IFIH1: variants seen among roughly 807,000 people sequenced by gnomAD.
The protein encoded by IFIH1 is interferon-induced helicase C domain-containing protein 1.
In IFIH1, 125 loss-of-function variants were observed where a neutral mutation model predicts 107.4. The observed-to-expected ratio is 1.16, with a 90% CI of 1.01 to 1.35. IFIH1 has a LOEUF of 1.35. Among genes scored for constraint, IFIH1 ranks in the 40% most tolerant of loss-of-function variants. The pLI is 0.00. For missense variants in IFIH1, 1,333 were observed against 1,213.7 expected (o/e 1.10, Z -1.46); for synonymous variants, 458 against 413.2 (o/e 1.11, Z -1.31).
intron 13 of IFIH1, among the ~76,000 whole-genome samples, chr2:162,269,596 G>A (rs1690994451): frequency 6.6e-6 from 1 of 152,180 alleles, no homozygotes; most frequent in Non-Finnish European, 1.5e-5. Context: ...CTTCACGGTA[G>A]AAAAATCTGG....
chr2:162,299,999 C>T (rs957827669), intron 3 of IFIH1, among the ~76,000 whole-genome samples: 2 of 152,160 alleles, frequency 1.3e-5, no homozygotes, highest in African/African-American at 4.8e-5. Flanking sequence ...TGATATTCCT[C>T]ATCTGGTAAG....
chr2:162,307,812 A>T (rs749221209), intron 2 of IFIH1, among the ~76,000 whole-genome samples: 32 of 152,248 alleles, frequency 2.1e-4, no homozygotes, highest in Non-Finnish European at 4.0e-4. Flanking sequence ...TAAGTACATT[A>T]GGGACTATTA....
intron 6 of IFIH1, 87 bp from the exon 7 acceptor site, chr2:162,281,632 G>A: frequency 1.1e-6 from 1 of 939,588 alleles, no homozygotes. Context: ...GAGCTGCCTT[G>A]GGGATGCCTT....
At chr2:162,316,417 T>C (rs1212892015) in intron 1 of IFIH1, among the ~76,000 whole-genome samples, 1 of 152,188 alleles carries the variant, frequency 6.6e-6, no homozygotes, top group African/African-American at 2.4e-5. Flanking sequence ...TGGTTCTCAA[T>C]ACACAAAACG....
At chr2:162,286,643 T>G (rs1335183660) in intron 5 of IFIH1, among the ~76,000 whole-genome samples, 1 of 151,908 alleles carries the variant, frequency 6.6e-6, no homozygotes, top group Non-Finnish European at 1.5e-5. Flanking sequence ...GGAGGGTAGA[T>G]GGTGAGGCTG....
At position 162,317,494 on chromosome 2, in the gene IFIH1, TCTG is replaced by T. The variant is rs1235623691; in HGVS notation, c.453+358_453+360del. 8.5e-5 allele frequency among the ~76,000 whole-genome samples: 13 copies of T among 152,332 alleles called. No homozygotes were observed. In the East Asian group the frequency reaches 2.5e-3, roughly 29 times the overall value. On this transcript the variant is annotated intron_variant, in intron 1 of 15. Coordinates refer to ENST00000649979, the MANE Select transcript of IFIH1 (RefSeq NM_022168.4). ...TATTTAACCTGCCTCAGGTTTCTCA[TCTG>T]TAAAATGGAGTTAATAACATTAGGA... is the stretch of plus-strand genomic sequence containing the variant.
At chr2:162,287,778 T>C (rs1011865634) in intron 5 of IFIH1, among the ~76,000 whole-genome samples, 6 of 151,954 alleles carry the variant, frequency 3.9e-5, no homozygotes, top group Non-Finnish European at 1.5e-5. Flanking sequence ...CATATTCATT[T>C]GCAATGATAA....
chr2:162,303,446 A>G (rs564130285), intron 3 of IFIH1, among the ~76,000 whole-genome samples: 10 of 152,038 alleles, frequency 6.6e-5, no homozygotes, highest in Non-Finnish European at 1.0e-4. Context: ...ATCTCTTACC[A>G]TCACAATCTC....
At chr2:162,273,254 T>A (rs940880726) in intron 12 of IFIH1, among the ~76,000 whole-genome samples, 49 of 152,310 alleles carry the variant, frequency 3.2e-4, no homozygotes, top group Middle Eastern at 3.4e-3. Flanking sequence ...TAAAGTGAAA[T>A]CTGAATGAAA....
chr2:162,279,919 A>G, intron 8 of IFIH1, 77 bp downstream of exon 8: 2 of 810,938 alleles, frequency 2.5e-6, no homozygotes, highest in Non-Finnish European at 4.2e-6. Flanking sequence ...TCAGATGGTC[A>G]GTATAAAATA....
At chr2:162,305,432 T>C (rs1202275897) in intron 3 of IFIH1, among the ~76,000 whole-genome samples, 1 of 151,898 alleles carries the variant, frequency 6.6e-6, no homozygotes, top group Non-Finnish European at 1.5e-5. Context: ...TAGCCGGGCA[T>C]GGTGGTGGGT....
intron 11 of IFIH1, 91 bp from the exon 12 acceptor site, chr2:162,274,035 C>T: frequency 1.2e-6 from 1 of 839,580 alleles, no homozygotes; most frequent in Non-Finnish European, 1.8e-6. Flanking sequence ...TGCAACTGGT[C>T]AGTGTAAATC....
At position 162,273,941 on chromosome 2, in the gene IFIH1, C is replaced by A; in HGVS notation, c.2308G>T (p.Glu770Ter). The A allele has an allele frequency of 6.3e-7, 1 of 1,585,574 alleles. No individual in the cohort carries two copies. The highest frequency in any genetic ancestry group is 1.1e-5 in the South Asian group (1 of 88,894). Residue 770 changes from glutamate to a stop codon, truncating the protein, a stop_gained, in exon 12 of 16, where the codon GAA becomes TAA. Transcript: ENST00000649979. LOFTEE classifies it high-confidence loss of function. ...AATTTACTAATGACTTCTTTTTGTT[C>A]ATTCTGTAGAAACATTTTAATAAAT... is the stretch of plus-strand genomic sequence containing the variant. ...SSEFKPMTQNEQKEVISKFRT... is the reference protein window; with the variant it reads ...SSEFKPMTQN
chr2:162,305,056 G>A (rs970708113), intron 3 of IFIH1, among the ~76,000 whole-genome samples: 1 of 152,054 alleles, frequency 6.6e-6, no homozygotes, highest in Non-Finnish European at 1.5e-5. Flanking sequence ...CCAAATGGTG[G>A]GACCATTATT....
At chr2:162,276,647 G>A in intron 11 of IFIH1, 40 bp downstream of exon 11, 1 of 1,565,742 alleles carries the variant, frequency 6.4e-7, no homozygotes, top group Non-Finnish European at 8.6e-7. Flanking sequence ...GAAGAAAAGA[G>A]AAAGAAAAGA....
chr2:162,297,801 T>C (rs1683119358), intron 3 of IFIH1, among the ~76,000 whole-genome samples: 1 of 152,072 alleles, frequency 6.6e-6, no homozygotes. Context: ...TAGGATTTTC[T>C]TTCATAATTT....
chr2:162,298,055 C>CA (rs1389856730), intron 3 of IFIH1, among the ~76,000 whole-genome samples: 17 of 151,288 alleles, frequency 1.1e-4, no homozygotes, highest in South Asian at 6.3e-4. Context: ...ATATTCAAAC[C>CA]AAAAAAAATA....
In IFIH1 at chr2:162,314,397, T is replaced by TC. The variant is rs1558877358; in HGVS notation, c.453+3457dup. 5.0e-4 allele frequency among the ~76,000 whole-genome samples: 29 copies of TC among 58,578 alleles called. 1 individual carries two copies. The highest frequency in any genetic ancestry group is 4.2e-3 in the African/African-American group (28 of 6,698). The allele number at this position is 58,578 out of a possible 152,430, so 38.4% of individuals were successfully genotyped here. ...CTCCCTCCCTCCCTCCCTCCCTCCC[T>TC]CCTTTCTTTCTTTCTTTCTTTTCTT... On this transcript the variant is annotated intron_variant, in intron 1 of 15. Transcript: ENST00000649979.
At chr2:162,311,120 G>A (rs1683378671) in intron 1 of IFIH1, among the ~76,000 whole-genome samples, 187 bp from the exon 2 acceptor site, 1 of 146,912 alleles carries the variant, frequency 6.8e-6, no homozygotes, top group South Asian at 2.1e-4. Flanking sequence ...AAAATCTCCG[G>A]GACAACAACA....
Sources: gnomAD v4.1 joint callset for allele counts (sites outside exome capture counted in the v4.1 genomes callset) on GRCh38, gnomAD v4.1.1 for gene constraint, MANE v1.5 for transcripts, NCBI Gene and HGNC (gene_info 2026-07-23, HGNC 2026-07-21) for gene names.